Variants in RBFOX2 observed in about 807,000 individuals in gnomAD.
The protein encoded by RBFOX2 is RNA binding protein fox-1 homolog 2.
Under a neutral mutation model 49.1 loss-of-function variants are expected in RBFOX2, and 10 were observed. The ratio of observed to expected loss-of-function variants is 0.20; its 90% CI spans 0.13 to 0.35. The LOEUF is 0.35. Among genes scored for constraint, RBFOX2 ranks in the 10% least tolerant of loss-of-function variants. The pLI, the probability that RBFOX2 is intolerant of heterozygous loss-of-function variation, is 1.00. For synonymous variants in RBFOX2, 183 were observed against 187.4 expected, an observed-to-expected ratio of 0.98 and a Z score of 0.19; for missense variants, 323 against 486.9, an observed-to-expected ratio of 0.66 and a Z score of 3.17.
chr22:35,774,070 T>C (rs1569036263), intron 4 of RBFOX2, among the ~76,000 whole-genome samples: 1 of 152,142 alleles, frequency 6.6e-6, no homozygotes, highest in Admixed American at 6.5e-5. Context: ...TTTTTCTTTA[T>C]ACTTTTCATT....
intron 1 of RBFOX2, among the ~76,000 whole-genome samples, chr22:35,866,608 A>G (rs948384567): frequency 1.3e-5 from 2 of 152,190 alleles, no homozygotes; most frequent in Non-Finnish European, 2.9e-5. Flanking sequence ...TGAAAGAAGC[A>G]AGAAAACTAG....
chr22:35,761,341 G>C, intron 7 of RBFOX2, 47 bp from the exon 9 acceptor site: 1 of 1,612,726 alleles, frequency 6.2e-7, no homozygotes, highest in Non-Finnish European at 8.5e-7. Context: ...GATTAAAAAG[G>C]AGTCACAAAT....
intron 1 of RBFOX2, among the ~76,000 whole-genome samples, chr22:35,865,424 G>A (rs1002283028): frequency 8.5e-5 from 13 of 152,232 alleles, no homozygotes; most frequent in African/African-American, 3.1e-4. Flanking sequence ...GGACTAAACA[G>A]GGGCTTTTCC....
At chr22:35,980,181 G>A (rs1028065033) in intron 1 of RBFOX2, among the ~76,000 whole-genome samples, 1 of 152,088 alleles carries the variant, frequency 6.6e-6, no homozygotes, top group African/African-American at 2.4e-5. Flanking sequence ...AATATACTTA[G>A]GTCATGTAGG....
At chr22:35,883,358 T>C (rs978211628) in intron 1 of RBFOX2, among the ~76,000 whole-genome samples, 1 of 152,232 alleles carries the variant, frequency 6.6e-6, no homozygotes, top group Non-Finnish European at 1.5e-5. Context: ...TACCTCTACC[T>C]TGGGCTCCTG....
rs540965737 is a variant in RBFOX2, at chr22:36,024,641, T to C, written c.186+3599A>G. Among the ~76,000 whole-genome samples the C allele has an allele frequency of 1.4e-4, 21 of 151,586 alleles. No homozygotes were observed. The East Asian group carries it at 2.4e-3, about 17-fold the overall frequency. On this transcript the variant is annotated intron_variant, in intron 1 of 13. Transcript: ENST00000438146. ...CTGTAATCCCAGCTACTCAGGAGGCTGAGGCATAAGAATTGCTTGAACCCA... is the reference window on the plus strand; with the variant it reads ...CTGTAATCCCAGCTACTCAGGAGGCCGAGGCATAAGAATTGCTTGAACCCA...
chr22:35,976,217 A>G (rs1371289085), intron 1 of RBFOX2, among the ~76,000 whole-genome samples: 1 of 152,172 alleles, frequency 6.6e-6, no homozygotes, highest in Non-Finnish European at 1.5e-5. Context: ...AACACTTTTC[A>G]TGTTAAATCC....
intron 9 of RBFOX2, among the ~76,000 whole-genome samples, chr22:35,751,949 T>C (rs1470696061): frequency 1.3e-5 from 2 of 152,180 alleles, no homozygotes; most frequent in South Asian, 2.1e-4. Flanking sequence ...ATAAACTGGA[T>C]TGTGAAAAGC....
intron 1 of RBFOX2, among the ~76,000 whole-genome samples, chr22:36,003,572 G>A (rs2058510412): frequency 6.6e-6 from 1 of 152,280 alleles, no homozygotes; most frequent in South Asian, 2.1e-4. Flanking sequence ...AGTGGTCACT[G>A]GCCTTATACG....
exon 12 of RBFOX2, chr22:35,741,432 AC>A (rs1929903683): frequency 6.6e-6 from 1 of 152,284 alleles, no homozygotes; most frequent in African/African-American, 2.4e-5. Flanking sequence ...AGAGTCAGGA[AC>A]AGACAAGCAG....
In RBFOX2 at chr22:35,786,420, AACAT is replaced by A. The variant is rs528556172; in HGVS notation, c.253-4678_253-4675del. On this transcript the variant is annotated intron_variant, in intron 2 of 11. Transcript: ENST00000405409. ...TAATGCAATTTTTAAATTGAAGTTTAACATACATAGATAAAAATACATAAATTAT... is the reference window on the plus strand; with the variant it reads ...TAATGCAATTTTTAAATTGAAGTTTAACATAGATAAAAATACATAAATTAT... Among the ~76,000 whole-genome samples, 30 of 152,364 alleles carry A rather than the reference AACAT, an allele frequency of 2.0e-4. No individual in the cohort carries two copies. The South Asian group carries it at 6.2e-3, about 32-fold the overall frequency.
At chr22:35,991,300 G>A (rs781633658) in intron 1 of RBFOX2, among the ~76,000 whole-genome samples, 2 of 152,102 alleles carry the variant, frequency 1.3e-5, no homozygotes, top group East Asian at 1.9e-4. Context: ...CCGGAAGATC[G>A]GAATGGAAGA....
chr22:35,856,850 C>T (rs954533625), intron 1 of RBFOX2, among the ~76,000 whole-genome samples: 9 of 151,894 alleles, frequency 5.9e-5, no homozygotes, highest in African/African-American at 2.2e-4. Context: ...TTGGGCAACA[C>T]GGTGAAACCC....
At position 36,028,235 on chromosome 22, in the gene RBFOX2, G is replaced by C. The variant is rs755430159; in HGVS notation, c.186+5C>G. The C allele has an allele frequency of 9.3e-6, 14 of 1,508,552 alleles. No homozygotes were observed. The East Asian group carries it at 3.8e-4, about 41-fold the overall frequency. The allele number at this position is 1,508,552 out of a possible 1,614,324, so 93.4% of individuals were successfully genotyped here. On this transcript the variant is annotated splice_donor_5th_base_variant and intron_variant, in intron 1 of 13. Coordinates refer to the RBFOX2 transcript ENST00000438146. ...ATAACTGGGCGCCCCGTCCCGCGCG[G>C]TCACCTGCATCCCGCCGCCACCGTC...
chr22:36,026,466 C>A (rs1360663102), intron 1 of RBFOX2, among the ~76,000 whole-genome samples: 2 of 151,830 alleles, frequency 1.3e-5, no homozygotes, highest in South Asian at 2.1e-4. Context: ...AGATAATAGG[C>A]CCCAGGAGTA....
upstream of RBFOX2, among the ~76,000 whole-genome samples, chr22:35,964,807 A>T (rs2056460709): frequency 6.6e-6 from 1 of 152,362 alleles, no homozygotes; most frequent in East Asian, 1.9e-4. Context: ...TCCTACAGCC[A>T]CAACATACAC....
chr22:35,978,381 T>A (rs551578760), intron 1 of RBFOX2, among the ~76,000 whole-genome samples: 1 of 152,370 alleles, frequency 6.6e-6, no homozygotes, highest in Admixed American at 6.5e-5. Flanking sequence ...TATGTACATA[T>A]GTATGTACAC....
chr22:35,762,376 AT>A (rs1262811915), intron 6 of RBFOX2, among the ~76,000 whole-genome samples: 2 of 152,218 alleles, frequency 1.3e-5, no homozygotes, highest in East Asian at 3.9e-4. Context: ...AATTTTACAT[AT>A]AAGCAAAAAT....
chr22:36,021,654 T>C (rs918487937), intron 1 of RBFOX2, among the ~76,000 whole-genome samples: 6 of 152,204 alleles, frequency 3.9e-5, no homozygotes, highest in African/African-American at 9.6e-5. Context: ...AGACAATGTT[T>C]GAAAAAACTC....
Sources: allele counts gnomAD v4.1 joint callset (sites outside exome capture counted in the v4.1 genomes callset), GRCh38; gene constraint gnomAD v4.1.1; transcripts MANE v1.5; gene names NCBI Gene and HGNC (gene_info 2026-07-23, HGNC 2026-07-21).